Variants in SEMA7A observed in about 807,000 individuals in gnomAD.
The protein encoded by SEMA7A is semaphorin-7A.
In SEMA7A, 21 loss-of-function variants were observed where a neutral mutation model predicts 67.5. The ratio of observed to expected loss-of-function variants is 0.31; its 90% CI spans 0.22 to 0.45. The LOEUF is 0.45. Ranked by LOEUF, SEMA7A falls within the 20% of genes least tolerant of loss-of-function variation. SEMA7A has a pLI of 1.00. For missense variants in SEMA7A, 774 were observed against 908.6 expected (o/e 0.85, Z 1.90); for synonymous variants, 364 against 368.5 (o/e 0.99, Z 0.14).
At chr15:74,433,308 C>T (rs989223874) in intron 1 of SEMA7A, among the ~76,000 whole-genome samples, 2 of 151,786 alleles carry the variant, frequency 1.3e-5, no homozygotes, top group African/African-American at 2.4e-5. Flanking sequence ...GCCGGCCCAG[C>T]CTGCGCCCCG....
chr15:74,416,448 G>T, intron 7 of SEMA7A, 127 bp downstream of exon 7: 1 of 1,000,942 alleles, frequency 1.0e-6, no homozygotes, highest in Non-Finnish European at 1.5e-6. Context: ...TGCTCCCACA[G>T]TCCCTGACAC....
At chr15:74,422,547 TC>T (rs537073550) in intron 1 of SEMA7A, among the ~76,000 whole-genome samples, 88 of 152,246 alleles carry the variant, frequency 5.8e-4, no homozygotes, top group Middle Eastern at 6.8e-3. Flanking sequence ...CCAGCCGGAC[TC>T]CATAGTTCCC....
rs2060880605 is a variant in SEMA7A, at chr15:74,409,528, T to G, written c.*1096A>C. On this transcript the variant is annotated 3_prime_UTR_variant, in exon 14 of 14. Coordinates refer to ENST00000261918, the MANE Select transcript of SEMA7A (RefSeq NM_003612.5). ...AATTTTCACAGTTTAGCCTAAGTTA[T>G]AACATGTCCTGAGCGAAGGTGGGAG... is the stretch of plus-strand genomic sequence containing the variant. 6.6e-6 allele frequency: 1 copy of G among 152,160 alleles called. No homozygotes were observed. Among genetic ancestry groups the G allele is most frequent in the Non-Finnish European group, 1.5e-5 (1 of 68,068 alleles). 9.4% of individuals were successfully genotyped at this position (152,160 alleles called of 1,614,324 possible). A position where few individuals can be genotyped will look rare whatever the true frequency, so the allele number is the denominator to read the frequency against.
At chr15:74,419,848 C>T (rs1385751176) in intron 1 of SEMA7A, among the ~76,000 whole-genome samples, 1 of 152,132 alleles carries the variant, frequency 6.6e-6, no homozygotes, top group African/African-American at 2.4e-5. Flanking sequence ...GGAAAATTTT[C>T]CCCAAAAAAG....
chr15:74,420,567 G>A (rs1019258200), intron 1 of SEMA7A, among the ~76,000 whole-genome samples: 3 of 152,198 alleles, frequency 2.0e-5, no homozygotes, highest in Admixed American at 1.3e-4. Flanking sequence ...CTGTAGGCCC[G>A]AGATGTGCAG....
At position 74,415,885 on chromosome 15, in the gene SEMA7A, T is replaced by C; in HGVS notation, c.902A>G (p.Asn301Ser). ...CSDAATNKNF[N>S]RLQDVFLLPD... ...GAGCAGGAAGACGTCTTGCAGCCTG[T>C]TGAAGTTCTTGTTGGTGGCAGCATC... The change falls in exon 8 of 14, where the codon AAC becomes AGC. Residue 301 changes from asparagine to serine, a missense_variant. Asn to Ser is a conservative substitution (Grantham distance 46). Coordinates refer to ENST00000261918, the MANE Select transcript of SEMA7A (RefSeq NM_003612.5). 1 of 1,614,108 alleles carries C rather than the reference T, an allele frequency of 6.2e-7. No homozygotes were observed. Among genetic ancestry groups the C allele is most frequent in the African/African-American group, 1.3e-5 (1 of 75,034 alleles).
chr15:74,427,380 A>C (rs2061052094), intron 1 of SEMA7A: 1 of 985,318 alleles, frequency 1.0e-6, no homozygotes, highest in Non-Finnish European at 1.2e-6. Flanking sequence ...CTGGGCCACC[A>C]ATGGAGTGCA....
chr15:74,429,971 C>T (rs2061073886), intron 1 of SEMA7A, among the ~76,000 whole-genome samples: 1 of 152,098 alleles, frequency 6.6e-6, no homozygotes, highest in African/African-American at 2.4e-5. Context: ...TAGGCATCTC[C>T]TCAGTGCCCA....
chr15:74,422,368 G>T (rs2061007307), intron 1 of SEMA7A, among the ~76,000 whole-genome samples: 1 of 152,058 alleles, frequency 6.6e-6, no homozygotes, highest in East Asian at 1.9e-4. Flanking sequence ...GTAGCTAAAA[G>T]CTCCCAGAAT....
chr15:74,412,903 G>A (rs1196037747), intron 10 of SEMA7A, among the ~76,000 whole-genome samples: 1 of 152,152 alleles, frequency 6.6e-6, no homozygotes. Context: ...TTATAACCGA[G>A]CTGCCTGCCT....
rs746844439 is a variant in SEMA7A, at chr15:74,410,811, G to A, written c.1814C>T (p.Ala605Val). The change falls in exon 14 of 14, where the codon GCG (alanine) becomes GTG (valine). Residue 605 changes from alanine to valine, a missense_variant. Physicochemically the swap from Ala to Val is moderately conservative, Grantham distance 64. Around this residue, in one of 2 missense-constraint regions of SEMA7A, gnomAD observed 427 missense variants for 555.4 expected, o/e 0.77. Coordinates refer to ENST00000261918, the MANE Select transcript of SEMA7A (RefSeq NM_003612.5). The surrounding 1 kb of genome is among the most constrained non-coding windows in gnomAD (Gnocchi z 7.5). ...GCAGAAGTAGTGGCCGTACTGCTGC[G>A]CCGTGAGGTTCTCGATGAACAGGAT... ...NCILFIENLT[A>V]QQYGHYFCEA... 20 of 1,614,092 alleles carry A rather than the reference G, an allele frequency of 1.2e-5. No individual in the cohort carries two copies. In the Middle Eastern group the frequency reaches 6.6e-4, roughly 53 times the overall value.
intron 1 of SEMA7A, among the ~76,000 whole-genome samples, chr15:74,420,473 G>A (rs796368442): frequency 7.2e-5 from 11 of 152,302 alleles, no homozygotes; most frequent in African/African-American, 2.6e-4. Context: ...CTTGGGTGGT[G>A]TGGCTCTCCT....
chr15:74,428,076 C>T (rs762004362), intron 1 of SEMA7A, among the ~76,000 whole-genome samples: 6 of 152,220 alleles, frequency 3.9e-5, no homozygotes, highest in African/African-American at 7.2e-5. Context: ...CTGATTAGCC[C>T]GAGCCGGGAC....
intron 1 of SEMA7A, among the ~76,000 whole-genome samples, chr15:74,430,256 G>A (rs1006362987): frequency 9.2e-5 from 14 of 152,114 alleles, no homozygotes; most frequent in Non-Finnish European, 1.5e-4. Flanking sequence ...GAACTTAAGG[G>A]TTTCCCCTGA....
In SEMA7A at chr15:74,423,993, C is replaced by T. The variant is rs1490363213; in HGVS notation, c.179-5041G>A. 6.6e-6 allele frequency among the ~76,000 whole-genome samples: 1 copy of T among 151,992 alleles called. No individual in the cohort carries two copies. Among genetic ancestry groups the T allele is most frequent in the African/African-American group, 2.4e-5 (1 of 41,364 alleles). On this transcript the variant is annotated intron_variant, in intron 1 of 13. Coordinates refer to ENST00000261918, the MANE Select transcript of SEMA7A (RefSeq NM_003612.5). The surrounding 1 kb of genome is among the most constrained non-coding windows in gnomAD (Gnocchi z 4.1). ...TGTGCTGGGGCAGGTGGTGGGGCCT[C>T]GAGACAGCACTCAGCTCATGGAGGA...
Position 74,418,813 on chromosome 15 carries a change from T to C in SEMA7A, c.318A>G (p.Ala106=). 3 of 1,613,706 alleles carry C rather than the reference T, an allele frequency of 1.9e-6. No individual in the cohort carries two copies. The highest frequency in any genetic ancestry group is 2.5e-6 in the Non-Finnish European group (3 of 1,179,912). ...YLFDFPEGKN[A]SVRTVNIGST... ...GAGAGAGGCTCACCGTGCGCACAGA[T>C]GCGTTCTTGCCCTCGGGGAAGTCAA... is the stretch of plus-strand genomic sequence containing the variant. The change falls in exon 2 of 14, where the codon GCA becomes GCG. Residue 106 remains alanine (A), a synonymous_variant. Coordinates refer to ENST00000261918, the MANE Select transcript of SEMA7A (RefSeq NM_003612.5).
intron 8 of SEMA7A, 149 bp downstream of exon 8, chr15:74,415,652 C>G (rs2075591): frequency 2.9e-4 from 221 of 750,326 alleles, no homozygotes; most frequent in East Asian, 1.1e-4. Context: ...GCTGTCCCCC[C>G]ACCCCACACC....
At chr15:74,416,245 A>G (rs2058051995) in intron 7 of SEMA7A, among the ~76,000 whole-genome samples, 1 of 152,032 alleles carries the variant, frequency 6.6e-6, no homozygotes, top group South Asian at 2.1e-4. Flanking sequence ...GTCCCCACAG[A>G]GCAGACGGAC....
In SEMA7A at chr15:74,414,471, G is replaced by A; in HGVS notation, c.1294+76C>T. ...TCCACATGTAAAGATCCAACCAGATGTTAACTACATTATTCCTTACACCTT... is the reference window on the plus strand; with the variant it reads ...TCCACATGTAAAGATCCAACCAGATATTAACTACATTATTCCTTACACCTT... On this transcript the variant is annotated intron_variant, in intron 10 of 13. Coordinates refer to ENST00000261918, the MANE Select transcript of SEMA7A (RefSeq NM_003612.5). The surrounding 1 kb of genome is among the most constrained non-coding windows in gnomAD (Gnocchi z 4.1). 7 of 1,377,834 alleles carry A rather than the reference G, an allele frequency of 5.1e-6. No individual in the cohort carries two copies. The South Asian group carries it at 8.7e-5, about 17-fold the overall frequency. The allele number at this position is 1,377,834 out of a possible 1,614,324, so 85.4% of individuals were successfully genotyped here. A position where few individuals can be genotyped will look rare whatever the true frequency, so the allele number is the denominator to read the frequency against.
Sources: allele counts gnomAD v4.1 joint callset (sites outside exome capture counted in the v4.1 genomes callset), GRCh38; gene constraint gnomAD v4.1.1; regional missense constraint gnomAD v4.1.1; non-coding constraint Gnocchi (gnomAD v3.1); transcripts MANE v1.5; gene names NCBI Gene and HGNC (gene_info 2026-07-23, HGNC 2026-07-21).